Variants in FAM13A observed in about 807,000 individuals in gnomAD.
FAM13A encodes the protein family with sequence similarity 13 member A.
A neutral mutation model predicts 129.6 loss-of-function variants in FAM13A; 76 were observed. The observed-to-expected ratio is 0.59, with a 90% CI of 0.49 to 0.71. The LOEUF (loss-of-function observed/expected upper bound fraction) is 0.71, where lower values mean the gene tolerates loss of function less well. FAM13A is among the 30% of genes least tolerant of loss of function. The pLI, the probability that FAM13A is intolerant of heterozygous loss-of-function variation, is 0.00. For synonymous variants in FAM13A, 443 were observed against 449.9 expected (o/e 0.98, Z 0.20); for missense variants, 1,108 against 1,249.3 (o/e 0.89, Z 1.70).
intron 8 of FAM13A, among the ~76,000 whole-genome samples, chr4:88,798,989 T>C (rs918929046): frequency 6.6e-6 from 1 of 152,234 alleles, no homozygotes; most frequent in Non-Finnish European, 1.5e-5. Context: ...TTAAAATGTA[T>C]ATAATTTATC....
intron 7 of FAM13A, among the ~76,000 whole-genome samples, chr4:88,814,638 T>C (rs1730339577): frequency 6.6e-6 from 1 of 152,226 alleles, no homozygotes; most frequent in East Asian, 1.9e-4. Flanking sequence ...TTTCTAATTT[T>C]AGTTTCAAGA....
intron 1 of FAM13A, among the ~76,000 whole-genome samples, chr4:89,043,257 A>AT (rs1770397178): frequency 6.6e-6 from 1 of 152,230 alleles, no homozygotes. Flanking sequence ...AAGGTGGCAG[A>AT]TATCAGGAAG....
chr4:88,796,666 CTTTG>C (rs1726240224), intron 8 of FAM13A, among the ~76,000 whole-genome samples: 1 of 149,310 alleles, frequency 6.7e-6, no homozygotes. Context: ...TTCTGTGCCA[CTTTG>C]TTTTAGGTAT....
At position 88,906,404 on chromosome 4, in the gene FAM13A, A is replaced by T. The variant is rs760009256; in HGVS notation, c.818T>A (p.Met273Lys). The T allele has an allele frequency of 6.2e-7, 1 of 1,612,130 alleles. No individual in the cohort carries two copies. Among genetic ancestry groups the T allele is most frequent in the Middle Eastern group, 1.7e-4 (1 of 6,056 alleles). ...ILLTRGLERDMPKPPPKTKIP... is the reference protein window; with the variant it reads ...ILLTRGLERDKPKPPPKTKIP... ...CTTGGTTTTTGGAGGTGGTTTTGGC[A>T]TGTCTCTTTCTAAGCCTCTTGTTAA... Residue 273 changes from methionine (M) to lysine (K), a missense_variant, in exon 6 of 24, where the codon ATG (methionine) becomes AAG (lysine). By Grantham distance (95) the Met-to-Lys change is moderately conservative. Coordinates refer to ENST00000264344, the MANE Select transcript of FAM13A (RefSeq NM_014883.4).
At position 88,845,663 on chromosome 4, in the gene FAM13A, C is replaced by T. The variant is rs577786529; in HGVS notation, c.1007+5357G>A. On this transcript the variant is annotated intron_variant, in intron 7 of 23. Transcript: ENST00000264344. ...ATCCATAGAGATAAGTCTGGAAGAA[C>T]ACATTATCAAACCTGTAATAGCAGT... 1.1e-3 allele frequency among the ~76,000 whole-genome samples: 164 copies of T among 152,154 alleles called. 1 individual carries two copies. The highest frequency in any genetic ancestry group is 1.8e-3 in the Non-Finnish European group (124 of 68,006).
At chr4:88,762,712 T>C (rs775542286) in intron 13 of FAM13A, among the ~76,000 whole-genome samples, 66 of 152,096 alleles carry the variant, frequency 4.3e-4, no homozygotes, top group Non-Finnish European at 8.1e-4. Flanking sequence ...GTGAAGCACC[T>C]TGCCCAGTTG....
At chr4:88,829,112 A>G (rs754581922) in intron 7 of FAM13A, among the ~76,000 whole-genome samples, 28 of 152,256 alleles carry the variant, frequency 1.8e-4, no homozygotes, top group Non-Finnish European at 3.7e-4. Flanking sequence ...AAACAACCAA[A>G]GAACCAAGAA....
At chr4:88,874,680 A>C (rs1231623237) in intron 6 of FAM13A, among the ~76,000 whole-genome samples, 2 of 152,250 alleles carry the variant, frequency 1.3e-5, no homozygotes, top group East Asian at 1.9e-4. Context: ...GCTCATGCAT[A>C]GGAAGAATCA....
At chr4:88,994,313 T>C (rs1763274337) in intron 3 of FAM13A, among the ~76,000 whole-genome samples, 1 of 152,198 alleles carries the variant, frequency 6.6e-6, no homozygotes, top group Non-Finnish European at 1.5e-5. Context: ...TTCATACAGG[T>C]TAATTATGTA....
chr4:88,981,789 T>G (rs1381098519), intron 4 of FAM13A, among the ~76,000 whole-genome samples: 1 of 152,192 alleles, frequency 6.6e-6, no homozygotes, highest in Non-Finnish European at 1.5e-5. Context: ...ATTCCCCAGA[T>G]AAGCTGCAAG....
chr4:88,978,151 C>T (rs1437142729), intron 4 of FAM13A, among the ~76,000 whole-genome samples: 1 of 152,148 alleles, frequency 6.6e-6, no homozygotes, highest in Non-Finnish European at 1.5e-5. Flanking sequence ...CCAGTTTGGG[C>T]TTTTTCTCTC....
chr4:89,025,256 T>TTTTTTTTTG (rs1767801972), intron 2 of FAM13A, among the ~76,000 whole-genome samples: 1 of 83,494 alleles, frequency 1.2e-5, no homozygotes, highest in Admixed American at 1.2e-4. Context: ...TTTTTTTTTT[T>TTTTTTTTTG]TTTTTTTTTT....
At chr4:88,806,376 T>C (rs189472496) in intron 7 of FAM13A, among the ~76,000 whole-genome samples, 9 of 152,310 alleles carry the variant, frequency 5.9e-5, no homozygotes, top group Non-Finnish European at 1.2e-4. Context: ...TCTTTTTGCT[T>C]ATTTTTAATT....
chr4:88,815,963 TA>T (rs2149801021), intron 7 of FAM13A, among the ~76,000 whole-genome samples: 1 of 150,708 alleles, frequency 6.6e-6, no homozygotes, highest in African/African-American at 2.4e-5. Context: ...GTACTAGGAA[TA>T]AGAGAATCCA....
At chr4:88,835,257 C>T (rs1410603044) in intron 7 of FAM13A, among the ~76,000 whole-genome samples, 3 of 152,154 alleles carry the variant, frequency 2.0e-5, no homozygotes, top group Admixed American at 6.6e-5. Context: ...AATATCCTCC[C>T]TAGCTCATAC....
intron 6 of FAM13A, among the ~76,000 whole-genome samples, chr4:88,875,283 A>T (rs919012948): frequency 6.6e-6 from 1 of 152,226 alleles, no homozygotes; most frequent in African/African-American, 2.4e-5. Context: ...AAGCCGAAAT[A>T]GACAAATGGG....
intron 13 of FAM13A, among the ~76,000 whole-genome samples, chr4:88,761,475 C>T (rs1407802261): frequency 6.6e-6 from 1 of 152,134 alleles, no homozygotes; most frequent in Non-Finnish European, 1.5e-5. Flanking sequence ...GTGTATCCGT[C>T]ATGAATCAGC....
At chr4:88,887,823 G>A (rs1303358540) in intron 6 of FAM13A, among the ~76,000 whole-genome samples, 2 of 152,068 alleles carry the variant, frequency 1.3e-5, no homozygotes, top group African/African-American at 4.8e-5. Flanking sequence ...GTGAGCCACC[G>A]TGCCTGGTCC....
intron 10 of FAM13A, among the ~76,000 whole-genome samples, chr4:88,781,719 A>G (rs1722898063): frequency 6.6e-6 from 1 of 151,944 alleles, no homozygotes; most frequent in Non-Finnish European, 1.5e-5. Flanking sequence ...AAATTCATAC[A>G]GTGTATGGAG....
Sources: allele counts gnomAD v4.1 joint callset (sites outside exome capture counted in the v4.1 genomes callset), GRCh38; gene constraint gnomAD v4.1.1; transcripts MANE v1.5; gene names NCBI Gene and HGNC (gene_info 2026-07-23, HGNC 2026-07-21).